NLRP13: variants seen among roughly 807,000 people sequenced by gnomAD.
NLRP13 encodes NLR family pyrin domain containing 13.
In NLRP13, 82 loss-of-function variants were observed where a neutral mutation model predicts 94.4. That is an observed-to-expected ratio of 0.87 (90% CI 0.73 to 1.04). The LOEUF (loss-of-function observed/expected upper bound fraction) is 1.04. NLRP13 is among the 50% of genes least tolerant of loss of function. The probability of loss-of-function intolerance (pLI) is 0.00; values close to 1 mark genes in which losing one functional copy is unlikely to be tolerated. For synonymous variants in NLRP13, 553 were observed against 464.7 expected (o/e 1.19, Z -2.45); for missense variants, 1,426 against 1,230.8 (o/e 1.16, Z -2.37).
At chr19:55,920,061 T>C (rs896112390) in intron 4 of NLRP13, among the ~76,000 whole-genome samples, 1 of 151,950 alleles carries the variant, frequency 6.6e-6, no homozygotes, top group African/African-American at 2.4e-5. Flanking sequence ...GCAAAGTCAA[T>C]AAAAACACGC....
intron 4 of NLRP13, among the ~76,000 whole-genome samples, chr19:55,919,230 A>G (rs910640409): frequency 2.6e-5 from 4 of 152,184 alleles, no homozygotes; most frequent in African/African-American, 7.2e-5. Flanking sequence ...TCAAACTAAT[A>G]AAAGCCATAT....
intron 6 of NLRP13, 25 bp downstream of exon 6, chr19:55,910,538 T>C: frequency 6.4e-7 from 1 of 1,553,618 alleles, no homozygotes; most frequent in Non-Finnish European, 8.8e-7. Context: ...GGTATCTTCT[T>C]GAGCTGCTGG....
At chr19:55,896,582 G>A (rs1311706991) in intron 10 of NLRP13, among the ~76,000 whole-genome samples, 1 of 151,118 alleles carries the variant, frequency 6.6e-6, no homozygotes, top group African/African-American at 2.4e-5. Flanking sequence ...ACTTAGGGAG[G>A]CTGAGGTGGG....
intron 6 of NLRP13, among the ~76,000 whole-genome samples, chr19:55,908,736 C>A (rs1168085054): frequency 6.6e-6 from 1 of 152,122 alleles, no homozygotes; most frequent in African/African-American, 2.4e-5. Context: ...AACACATGGA[C>A]ACATAGTGAG....
At chr19:55,895,407 G>C (rs924009930), downstream of NLRP13, among the ~76,000 whole-genome samples, 2 of 150,826 alleles carry the variant, frequency 1.3e-5, no homozygotes, top group Non-Finnish European at 3.0e-5. Flanking sequence ...AACAGTCCGG[G>C]CATGGTGGCT....
At chr19:55,897,285 G>A (rs1221955763) in intron 10 of NLRP13, among the ~76,000 whole-genome samples, 1 of 152,170 alleles carries the variant, frequency 6.6e-6, no homozygotes, top group Non-Finnish European at 1.5e-5. Flanking sequence ...TTGGGAGACT[G>A]AGGCAGGCAG....
intron 7 of NLRP13, among the ~76,000 whole-genome samples, chr19:55,906,331 C>A (rs1986345844): frequency 5.0e-5 from 1 of 20,036 alleles, no homozygotes; most frequent in Non-Finnish European, 9.7e-5. Flanking sequence ...GAGTGAGACT[C>A]CATCTCAAAA....
At chr19:55,907,188 G>A (rs1986378609) in intron 7 of NLRP13, among the ~76,000 whole-genome samples, 1 of 152,058 alleles carries the variant, frequency 6.6e-6, no homozygotes, top group African/African-American at 2.4e-5. Flanking sequence ...TCGAACTCCT[G>A]ACCTCATGAT....
downstream of NLRP13, among the ~76,000 whole-genome samples, chr19:55,892,327 C>T (rs1436037851): frequency 6.6e-6 from 1 of 152,110 alleles, no homozygotes; most frequent in Non-Finnish European, 1.5e-5. Flanking sequence ...CTACTCTCCT[C>T]CTCCTAGTAG....
At chr19:55,896,182 G>A (rs1366778512) in intron 10 of NLRP13, 63 bp from the exon 11 acceptor site, 2 of 1,556,300 alleles carry the variant, frequency 1.3e-6, no homozygotes, top group Non-Finnish European at 8.8e-7. Flanking sequence ...TTAGAAAAGA[G>A]ATACCACATC....
chr19:55,923,273 G>T (rs991211408), intron 4 of NLRP13, among the ~76,000 whole-genome samples: 3 of 152,192 alleles, frequency 2.0e-5, no homozygotes, highest in South Asian at 2.1e-4. Flanking sequence ...TTCTGTAGGA[G>T]ATCAGTCAGG....
At chr19:55,918,982 C>G (rs904783272) in intron 4 of NLRP13, among the ~76,000 whole-genome samples, 1 of 151,868 alleles carries the variant, frequency 6.6e-6, no homozygotes, top group Non-Finnish European at 1.5e-5. Flanking sequence ...AACAAAATAC[C>G]AGAAAACTGA....
chr19:55,930,900 A>ATTTTT (rs56336813), intron 1 of NLRP13, among the ~76,000 whole-genome samples: 1,229 of 105,112 alleles, frequency 0.012, 32 homozygotes, highest in East Asian at 0.032. Context: ...ATATATATAA[A>ATTTTT]ATTTTAACCA....
chr19:55,916,260 GAT>G (rs1488169119), intron 4 of NLRP13, among the ~76,000 whole-genome samples: 22 of 152,052 alleles, frequency 1.4e-4, no homozygotes, highest in Admixed American at 1.4e-3. Context: ...AATAAGAAGT[GAT>G]AGTTTCTTCA....
At chr19:55,925,226 C>A (rs10426749) in intron 1 of NLRP13, among the ~76,000 whole-genome samples, 191 bp from the exon 2 acceptor site, 4 of 152,234 alleles carry the variant, frequency 2.6e-5, no homozygotes, top group South Asian at 2.1e-4. Flanking sequence ...CCACAGCACA[C>A]GCTAAGCACA....
At chr19:55,918,680 T>C (rs1282052309) in intron 4 of NLRP13, among the ~76,000 whole-genome samples, 2 of 151,972 alleles carry the variant, frequency 1.3e-5, no homozygotes, top group Non-Finnish European at 2.9e-5. Flanking sequence ...CAGGAATAAA[T>C]ATAAATCCTG....
chr19:55,896,243 G>C, intron 10 of NLRP13, 124 bp from the exon 11 acceptor site: 1 of 1,080,220 alleles, frequency 9.3e-7, no homozygotes, highest in Non-Finnish European at 1.3e-6. Context: ...TGGAGCACTT[G>C]GCCAGGCACA....
downstream of NLRP13, among the ~76,000 whole-genome samples, chr19:55,895,501 G>A (rs368590076): frequency 1.8e-4 from 27 of 152,220 alleles, no homozygotes; most frequent in African/African-American, 5.8e-4. Context: ...TGGCCACTAC[G>A]GTGAAACCCC....
At chr19:55,917,778 A>T (rs952117525) in intron 4 of NLRP13, among the ~76,000 whole-genome samples, 1 of 152,106 alleles carries the variant, frequency 6.6e-6, no homozygotes, top group South Asian at 2.1e-4. Context: ...CATAAAACAA[A>T]TATTATTAGA....
Sources: allele counts gnomAD v4.1 joint callset (sites outside exome capture counted in the v4.1 genomes callset), GRCh38; gene constraint gnomAD v4.1.1; transcripts MANE v1.5; gene names NCBI Gene and HGNC (gene_info 2026-07-23, HGNC 2026-07-21).